Variants in PLCE1 observed in about 807,000 individuals in gnomAD.
PLCE1 encodes the protein phospholipase C epsilon 1.
A neutral mutation model predicts 242.8 loss-of-function variants in PLCE1; 119 were observed. The observed-to-expected ratio is 0.49, with a 90% CI of 0.42 to 0.57. The LOEUF is 0.57. PLCE1 is among the 20% of genes least tolerant of loss of function. The pLI, the probability that PLCE1 is intolerant of heterozygous loss-of-function variation, is 0.00. For synonymous variants in PLCE1, 945 were observed against 1,017.4 expected (o/e 0.93, Z 1.35); for missense variants, 2,441 against 2,788.8 (o/e 0.88, Z 2.81).
At position 94,136,084 on chromosome 10, in the gene PLCE1, C is replaced by T. The variant is rs116130171; in HGVS notation, c.1492+3625C>T. Among the ~76,000 whole-genome samples the T allele has an allele frequency of 3.9e-3, 601 of 152,220 alleles. 6 individuals are homozygous for T. The highest frequency in any genetic ancestry group is 0.014 in the African/African-American group (572 of 41,558). ...GAATAACCTCTTCCATAAGAGAAAA[C>T]ATGTTTGAAGTGAATTAAACGGAGT... On this transcript the variant is annotated intron_variant, in intron 3 of 32. Transcript: ENST00000371380.
At chr10:94,047,284 G>T (rs1002651495) in intron 2 of PLCE1, among the ~76,000 whole-genome samples, 1 of 152,136 alleles carries the variant, frequency 6.6e-6, no homozygotes, top group African/African-American at 2.4e-5. Context: ...GTCTTAGAAG[G>T]CTTCATGGGA....
At chr10:94,221,201 C>G (rs2049732013) in intron 4 of PLCE1, among the ~76,000 whole-genome samples, 1 of 152,190 alleles carries the variant, frequency 6.6e-6, no homozygotes, top group African/African-American at 2.4e-5. Context: ...ATTTCTCAGT[C>G]TGAGGCCTTG....
At chr10:94,006,647 G>T (rs1052045825) in intron 1 of PLCE1, among the ~76,000 whole-genome samples, 1 of 152,120 alleles carries the variant, frequency 6.6e-6, no homozygotes, top group African/African-American at 2.4e-5. Context: ...TTAGTACTAA[G>T]CTCTAGGTTT....
At chr10:94,221,102 G>A (rs1328900127) in intron 4 of PLCE1, among the ~76,000 whole-genome samples, 1 of 152,200 alleles carries the variant, frequency 6.6e-6, no homozygotes, top group East Asian at 1.9e-4. Flanking sequence ...AAGCCCCTGG[G>A]TGAGTTCTCA....
intron 18 of PLCE1, 96 bp from the exon 19 acceptor site, chr10:94,273,466 C>A: frequency 2.5e-6 from 3 of 1,184,142 alleles, no homozygotes; most frequent in Non-Finnish European, 3.7e-6. Context: ...AATAATTCAA[C>A]CAGTCTAAAA....
chr10:94,086,784 C>T (rs537178634), intron 2 of PLCE1, among the ~76,000 whole-genome samples: 1 of 152,228 alleles, frequency 6.6e-6, no homozygotes, highest in Non-Finnish European at 1.5e-5. Context: ...AGGTCTGCCT[C>T]CAGTCCCTAT....
At chr10:94,202,338 A>G (rs1349431741) in intron 4 of PLCE1, among the ~76,000 whole-genome samples, 1 of 150,460 alleles carries the variant, frequency 6.6e-6, no homozygotes, top group African/African-American at 2.5e-5. Flanking sequence ...TGATGCCTTT[A>G]AAGGATATGT....
Position 94,123,759 on chromosome 10 carries a change from T to A in PLCE1, c.1207-8415T>A, listed in dbSNP as rs549335216. ...ATTCCAAAGTTAGAAAAGAGGCTCA[T>A]GAGACTAGTAAAGGGGTTTCCAAAC... On this transcript the variant is annotated intron_variant, in intron 2 of 32. Transcript: ENST00000371380. Among the ~76,000 whole-genome samples, 12 of 152,346 alleles carry A rather than the reference T, an allele frequency of 7.9e-5. 1 individual carries two copies. In the South Asian group the frequency reaches 2.5e-3, roughly 32 times the overall value.
chr10:94,171,796 T>C (rs1320485304), intron 4 of PLCE1, among the ~76,000 whole-genome samples: 1 of 151,994 alleles, frequency 6.6e-6, no homozygotes, highest in African/African-American at 2.4e-5. Flanking sequence ...CCCCTTCCTC[T>C]CCCCTACCAA....
intron 2 of PLCE1, among the ~76,000 whole-genome samples, chr10:94,048,721 A>T (rs1359550530): frequency 6.8e-6 from 1 of 147,706 alleles, no homozygotes; most frequent in East Asian, 1.9e-4. Flanking sequence ...ATATATATGT[A>T]TATATGCACA....
At chr10:94,212,672 C>T (rs1342840764) in intron 4 of PLCE1, among the ~76,000 whole-genome samples, 1 of 152,212 alleles carries the variant, frequency 6.6e-6, no homozygotes, top group Admixed American at 6.5e-5. Flanking sequence ...CCTAGAATTT[C>T]CTGAAGTCAT....
intron 22 of PLCE1, among the ~76,000 whole-genome samples, chr10:94,285,589 C>T (rs921852679): frequency 3.9e-5 from 6 of 152,170 alleles, no homozygotes; most frequent in African/African-American, 7.2e-5. Context: ...GGTTGCGAGA[C>T]GGCTACAGCA....
At chr10:94,147,523 A>G (rs958951894) in intron 3 of PLCE1, among the ~76,000 whole-genome samples, 1 of 152,146 alleles carries the variant, frequency 6.6e-6, no homozygotes, top group African/African-American at 2.4e-5. Flanking sequence ...AGAATTATGA[A>G]TGTTCATTCA....
At chr10:94,216,497 G>A (rs187704766) in intron 4 of PLCE1, among the ~76,000 whole-genome samples, 11 of 152,282 alleles carry the variant, frequency 7.2e-5, no homozygotes, top group Non-Finnish European at 1.5e-4. Context: ...TAGCTGGAGT[G>A]AAGGGGCTGC....
At position 94,227,103 on chromosome 10, in the gene PLCE1, C is replaced by T. The variant is rs1466961173; in HGVS notation, c.1810-203C>T. ...CGCTGGCCAGGCTGGTCTCAAACTCCTGACCTCAGGTGATTCGCCCACCTC... is the reference window on the plus strand; with the variant it reads ...CGCTGGCCAGGCTGGTCTCAAACTCTTGACCTCAGGTGATTCGCCCACCTC... On this transcript the variant is annotated intron_variant, in intron 4 of 32. Coordinates refer to ENST00000371380, the MANE Select transcript of PLCE1 (RefSeq NM_016341.4). The T allele has an allele frequency of 1.3e-5, 7 of 536,930 alleles. No individual in the cohort carries two copies. The Admixed American group carries it at 1.7e-4, about 13-fold the overall frequency. The allele number at this position is 536,930 out of a possible 1,614,324, so 33.3% of individuals were successfully genotyped here. A position where few individuals can be genotyped will look rare whatever the true frequency, so the allele number is the denominator to read the frequency against.
intron 4 of PLCE1, among the ~76,000 whole-genome samples, chr10:94,189,025 T>G (rs1281896197): frequency 6.6e-6 from 1 of 150,480 alleles, no homozygotes; most frequent in South Asian, 2.1e-4. Context: ...AAAAAAAAAT[T>G]TGTGGTCCAG....
intron 19 of PLCE1, 90 bp from the exon 20 acceptor site, chr10:94,279,692 G>A (rs2052121562): frequency 7.0e-7 from 1 of 1,420,968 alleles, no homozygotes; most frequent in Admixed American, 1.7e-5. Flanking sequence ...CACTTTTAAC[G>A]ATTGTGTTAA....
At chr10:94,086,749 A>C (rs1352420316) in intron 2 of PLCE1, among the ~76,000 whole-genome samples, 1 of 152,248 alleles carries the variant, frequency 6.6e-6, no homozygotes, top group African/African-American at 2.4e-5. Flanking sequence ...AATGATGGGC[A>C]GCCCAGTGGG....
Position 94,065,178 on chromosome 10 carries a change from G to A in PLCE1, c.1206+32926G>A, listed in dbSNP as rs545375918. Among the ~76,000 whole-genome samples, 318 of 152,018 alleles carry A rather than the reference G, an allele frequency of 2.1e-3. 2 individuals are homozygous for A. Among genetic ancestry groups the A allele is most frequent in the African/African-American group, 7.2e-3 (298 of 41,460 alleles). On this transcript the variant is annotated intron_variant, in intron 2 of 32. Transcript: ENST00000371380. ...TCTCACCCAACTCCTGCCTTCACCC[G>A]TCCTGGATTCTGGACCTTTGTCTTC...
Sources: allele counts gnomAD v4.1 joint callset (sites outside exome capture counted in the v4.1 genomes callset), GRCh38; gene constraint gnomAD v4.1.1; transcripts MANE v1.5; gene names NCBI Gene and HGNC (gene_info 2026-07-23, HGNC 2026-07-21).